ARL5B: variants seen among roughly 807,000 people sequenced by gnomAD.
The protein encoded by ARL5B is ADP-ribosylation factor-like protein 5B.
In ARL5B, 10 loss-of-function variants were observed where a neutral mutation model predicts 26.9. The observed-to-expected ratio is 0.37, with a 90% CI of 0.23 to 0.63. The LOEUF is 0.63. ARL5B is among the 30% of genes least tolerant of loss of function. The pLI, the probability that ARL5B is intolerant of heterozygous loss-of-function variation, is 0.62. For missense variants in ARL5B, 167 were observed against 213.9 expected, an observed-to-expected ratio of 0.78 and a Z score of 1.37; for synonymous variants, 87 against 70.4, an observed-to-expected ratio of 1.24 and a Z score of -1.18.
chr10:18,667,710 T>TAC (rs1449282282), intron 2 of ARL5B, among the ~76,000 whole-genome samples: 1 of 151,704 alleles, frequency 6.6e-6, no homozygotes, highest in East Asian at 2.0e-4. Context: ...TATATATATA[T>TAC]ATATACACAC....
intron 3 of ARL5B, among the ~76,000 whole-genome samples, chr10:18,670,920 A>G (rs2059884204): frequency 6.6e-6 from 1 of 152,224 alleles, no homozygotes; most frequent in Non-Finnish European, 1.5e-5. Context: ...CAAAATTACT[A>G]CAAAGAACAG....
chr10:18,667,592 A>G (rs2059867080), intron 2 of ARL5B, among the ~76,000 whole-genome samples: 2 of 152,186 alleles, frequency 1.3e-5, no homozygotes, highest in Admixed American at 6.5e-5. Flanking sequence ...CCTCCAACAC[A>G]GTAGTGACAT....
At chr10:18,673,342 G>A (rs1048865495) in intron 4 of ARL5B, among the ~76,000 whole-genome samples, 1 of 152,112 alleles carries the variant, frequency 6.6e-6, no homozygotes, top group Non-Finnish European at 1.5e-5. Context: ...TTACAGGTGT[G>A]AGCCACTGTG....
chr10:18,661,802 T>TCTAGGCAGAAGAG (rs1209577796), intron 1 of ARL5B, among the ~76,000 whole-genome samples: 1 of 152,222 alleles, frequency 6.6e-6, no homozygotes, highest in Non-Finnish European at 1.5e-5. Context: ...GACGTGTTAT[T>TCTAGGCAGAAGAG]CTAGGCAGAA....
rs555160612 is a variant in ARL5B at position 18,679,688 on chromosome 10, G to T, written c.*4472G>T. ...CTCAGACCTAAAGGCAGCTTTAAAT[G>T]TATATAGTTTGGTGAAACATTTGGG... On this transcript the variant is annotated 3_prime_UTR_variant, in exon 6 of 6. Coordinates refer to ENST00000377275, the MANE Select transcript of ARL5B (RefSeq NM_178815.5). The T allele has an allele frequency of 1.3e-4, 19 of 151,884 alleles. No individual in the cohort carries two copies. Among genetic ancestry groups the T allele is most frequent in the Non-Finnish European group, 2.8e-4 (19 of 67,860 alleles). 9.4% of individuals were successfully genotyped at this position (151,884 alleles called of 1,614,324 possible). A position where few individuals can be genotyped will look rare whatever the true frequency, so the allele number is the denominator to read the frequency against.
intron 3 of ARL5B, among the ~76,000 whole-genome samples, chr10:18,669,844 C>A (rs1178226851): frequency 6.6e-6 from 1 of 151,720 alleles, no homozygotes; most frequent in Non-Finnish European, 1.5e-5. Flanking sequence ...ATACAAAAAA[C>A]TAGCCGGGCG....
At position 18,672,600 on chromosome 10, in the gene ARL5B, T is replaced by C. The variant is rs199917924; in HGVS notation, c.256-22T>C. 7.6e-6 allele frequency: 12 copies of C among 1,584,408 alleles called. 1 individual carries two copies. The East Asian group carries it at 2.0e-4, about 27-fold the overall frequency. ...TCAGCATCCCATTCAATTTTCTGTC[T>C]TTCCTTTTAATTTTCTTCTAGTTCA... is the stretch of plus-strand genomic sequence containing the variant. On this transcript the variant is annotated intron_variant, in intron 3 of 5. Coordinates refer to ENST00000377275, the MANE Select transcript of ARL5B (RefSeq NM_178815.5).
chr10:18,666,146 T>C (rs1451218403), intron 1 of ARL5B, among the ~76,000 whole-genome samples: 8 of 152,186 alleles, frequency 5.3e-5, no homozygotes, highest in Admixed American at 3.9e-4. Context: ...CTGGTATACA[T>C]AGGTGGGGAA....
chr10:18,672,761 C>T (rs1322148610), intron 4 of ARL5B, 56 bp downstream of exon 4: 2 of 1,309,392 alleles, frequency 1.5e-6, no homozygotes. Context: ...CTGTACGTTG[C>T]CTTTGCTTTT....
Position 18,679,523 on chromosome 10 carries a change from C to T in ARL5B, c.*4307C>T, listed in dbSNP as rs991614268. 2 of 151,676 alleles carry T rather than the reference C, an allele frequency of 1.3e-5. No homozygotes were observed. Among genetic ancestry groups the T allele is most frequent in the Non-Finnish European group, 3.0e-5 (2 of 67,788 alleles). 9.4% of individuals were successfully genotyped at this position (151,676 alleles called of 1,614,324 possible). A position where few individuals can be genotyped will look rare whatever the true frequency, so the allele number is the denominator to read the frequency against. On this transcript the variant is annotated 3_prime_UTR_variant, in exon 6 of 6. Transcript: ENST00000377275. ...TATTCATTCACTTTTACTGTGAAGACTGAAATCCAAAAGCCAGGTTCCCCA... is the reference window on the plus strand; with the variant it reads ...TATTCATTCACTTTTACTGTGAAGATTGAAATCCAAAAGCCAGGTTCCCCA...
chr10:18,679,659 G>A lies in ARL5B; in HGVS notation c.*4443G>A, dbSNP rs1481109069. 2 of 151,764 alleles carry A rather than the reference G, an allele frequency of 1.3e-5. No homozygotes were observed. The highest frequency in any genetic ancestry group is 2.9e-5 in the Non-Finnish European group (2 of 67,820). 9.4% of individuals were successfully genotyped at this position (151,764 alleles called of 1,614,324 possible). A position where few individuals can be genotyped will look rare whatever the true frequency, so the allele number is the denominator to read the frequency against. Reference sequence around the variant, plus strand: ...AATTTAAAGCAGAAAAAAAAATTGTGCCCCTCAGACCTAAAGGCAGCTTTA... The same window carrying A: ...AATTTAAAGCAGAAAAAAAAATTGTACCCCTCAGACCTAAAGGCAGCTTTA... On this transcript the variant is annotated 3_prime_UTR_variant, in exon 6 of 6. Transcript: ENST00000377275.
rs2059929737 is a variant in ARL5B, at chr10:18,681,000, A to G, written c.*5784A>G. 1 of 152,152 alleles carries G rather than the reference A, an allele frequency of 6.6e-6. No individual in the cohort carries two copies. Among genetic ancestry groups the G allele is most frequent in the Non-Finnish European group, 1.5e-5 (1 of 68,018 alleles). The allele number at this position is 152,152 out of a possible 1,614,324, so 9.4% of individuals were successfully genotyped here. A position where few individuals can be genotyped will look rare whatever the true frequency, so the allele number is the denominator to read the frequency against. On this transcript the variant is annotated 3_prime_UTR_variant, in exon 6 of 6. Transcript: ENST00000377275. ...AGTGTCTATATTCATATATATGTGC[A>G]TTTCTTAAGATTTAAATACAAACTG...
At position 18,675,386 on chromosome 10, in the gene ARL5B, C is replaced by CT. The variant is rs902244405; in HGVS notation, c.*181dup. 0.047 allele frequency: 21,313 copies of CT among 457,888 alleles called. No individual in the cohort carries two copies. The highest frequency in any genetic ancestry group is 0.06 in the South Asian group (1,791 of 29,994). The allele number at this position is 457,888 out of a possible 1,614,324, so 28.4% of individuals were successfully genotyped here. On this transcript the variant is annotated 3_prime_UTR_variant, in exon 6 of 6. Transcript: ENST00000377275. ...TGGAACATAAAAGATTTTTTCTTAA[C>CT]TTTTTTTTTTTAACACACTAATCTT... is the stretch of plus-strand genomic sequence containing the variant.
At chr10:18,660,855 ATTTATTT>A (rs1374937703) in intron 1 of ARL5B, among the ~76,000 whole-genome samples, 1 of 152,066 alleles carries the variant, frequency 6.6e-6, no homozygotes, top group Non-Finnish European at 1.5e-5. Flanking sequence ...ATTTTTATTT[ATTTATTT>A]TTTGAGGCAG....
chr10:18,681,222 A>G lies in ARL5B; in HGVS notation c.*6006A>G, dbSNP rs867417264. The G allele has an allele frequency of 2.0e-4, 30 of 152,194 alleles. No homozygotes were observed. The highest frequency in any genetic ancestry group is 6.0e-4 in the African/African-American group (25 of 41,464). The allele number at this position is 152,194 out of a possible 1,614,324, so 9.4% of individuals were successfully genotyped here. A position where few individuals can be genotyped will look rare whatever the true frequency, so the allele number is the denominator to read the frequency against. On this transcript the variant is annotated 3_prime_UTR_variant, in exon 6 of 6. Transcript: ENST00000377275. ...GTGTGTCTGAACCCCAGCCAAACAAATGTGTTCCATTGGTCCAATATATAA... is the reference window on the plus strand; with the variant it reads ...GTGTGTCTGAACCCCAGCCAAACAAGTGTGTTCCATTGGTCCAATATATAA...
chr10:18,668,950 A>G (rs994008109), intron 3 of ARL5B, among the ~76,000 whole-genome samples: 3 of 151,992 alleles, frequency 2.0e-5, no homozygotes, highest in Admixed American at 6.6e-5. Flanking sequence ...TTGTATGTTT[A>G]GTAGAGACCG....
chr10:18,672,184 T>G (rs1021238916), intron 3 of ARL5B, among the ~76,000 whole-genome samples: 2 of 152,234 alleles, frequency 1.3e-5, no homozygotes, highest in Non-Finnish European at 2.9e-5. Context: ...TAGCTTTTCT[T>G]TCTAAGAGTT....
rs1590231847 is a variant in ARL5B at position 18,678,697 on chromosome 10, A to G, written c.*3481A>G. The G allele has an allele frequency of 6.6e-6, 1 of 151,786 alleles. No homozygotes were observed. The highest frequency in any genetic ancestry group is 1.9e-4 in the East Asian group (1 of 5,180). 9.4% of individuals were successfully genotyped at this position (151,786 alleles called of 1,614,324 possible). A position where few individuals can be genotyped will look rare whatever the true frequency, so the allele number is the denominator to read the frequency against. Reference sequence around the variant, plus strand: ...GCAGACTTTTTGTCTACAGCTTTGGAACCAAAAAAACTTCACTCTAATTCA... The same window carrying G: ...GCAGACTTTTTGTCTACAGCTTTGGGACCAAAAAAACTTCACTCTAATTCA... On this transcript the variant is annotated 3_prime_UTR_variant, in exon 6 of 6. Transcript: ENST00000377275.
At position 18,675,254 on chromosome 10, in the gene ARL5B, G is replaced by A; in HGVS notation, c.*38G>A. 6.3e-7 allele frequency: 1 copy of A among 1,593,568 alleles called. No individual in the cohort carries two copies. The highest frequency in any genetic ancestry group is 8.6e-7 in the Non-Finnish European group (1 of 1,161,940). On this transcript the variant is annotated 3_prime_UTR_variant, in exon 6 of 6. Coordinates refer to ENST00000377275, the MANE Select transcript of ARL5B (RefSeq NM_178815.5). ...AAAGAGACTGCTCTATTTATTCTGT[G>A]ACATGAACATTTTTTCCTAGTACCT... is the stretch of plus-strand genomic sequence containing the variant.
Sources: gnomAD v4.1 joint callset for allele counts (sites outside exome capture counted in the v4.1 genomes callset) on GRCh38, gnomAD v4.1.1 for gene constraint, MANE v1.5 for transcripts, NCBI Gene and HGNC (gene_info 2026-07-23, HGNC 2026-07-21) for gene names.